RIMS2: variants seen among roughly 807,000 people sequenced by gnomAD.
RIMS2 encodes the protein regulating synaptic membrane exocytosis protein 2.
RIMS2 carries 59 observed loss-of-function variants against 174.4 expected under a neutral mutation model. The ratio of observed to expected loss-of-function variants is 0.34; its 90% CI spans 0.27 to 0.42. RIMS2 has a LOEUF of 0.42. Ranked by LOEUF, RIMS2 falls within the 10% of genes least tolerant of loss-of-function variation. The pLI, the probability that RIMS2 is intolerant of heterozygous loss-of-function variation, is 1.00. For missense variants in RIMS2, 1,620 were observed against 1,666.3 expected, an observed-to-expected ratio of 0.97 and a Z score of 0.48; for synonymous variants, 606 against 572.5, an observed-to-expected ratio of 1.06 and a Z score of -0.84.
Position 104,101,269 on chromosome 8 carries a change from G to A in RIMS2, c.3334+86654G>A, listed in dbSNP as rs868463017. Among the ~76,000 whole-genome samples the A allele has an allele frequency of 6.6e-5, 10 of 151,630 alleles. No homozygotes were observed. In the Middle Eastern group the frequency reaches 0.01, roughly 156 times the overall value. On this transcript the variant is annotated intron_variant, in intron 19 of 23. Coordinates refer to ENST00000504942, the Ensembl canonical transcript of RIMS2. ...AGCCTCCCAAGTAGCTGAGATTACA[G>A]GCATGTGCCACCATGCCCAGCCAAT...
intron 1 of RIMS2, among the ~76,000 whole-genome samples, chr8:103,643,693 T>A (rs1332521448): frequency 1.3e-5 from 2 of 152,072 alleles, no homozygotes; most frequent in East Asian, 3.8e-4. Context: ...AGGATTGCAG[T>A]TGTTTTAGTT....
intron 1 of RIMS2, among the ~76,000 whole-genome samples, chr8:103,530,804 A>G (rs923108239): frequency 7.2e-5 from 11 of 151,958 alleles, no homozygotes; most frequent in Non-Finnish European, 2.9e-5. Context: ...AAAACAGACA[A>G]GACAGATCTA....
chr8:104,158,661 T>C (rs2098740925), intron 19 of RIMS2, among the ~76,000 whole-genome samples: 1 of 152,226 alleles, frequency 6.6e-6, no homozygotes. Context: ...ATGATGAGCA[T>C]TTTTTCATGT....
chr8:104,013,895 G>A (rs993044534), intron 18 of RIMS2, among the ~76,000 whole-genome samples: 1 of 152,098 alleles, frequency 6.6e-6, no homozygotes, highest in Non-Finnish European at 1.5e-5. Context: ...TAACTGTCAT[G>A]TTCCTCTCCT....
intron 6 of RIMS2, among the ~76,000 whole-genome samples, chr8:103,912,446 C>T (rs1595013763): frequency 6.6e-6 from 1 of 151,822 alleles, no homozygotes; most frequent in African/African-American, 2.4e-5. Context: ...ATACAGTGGT[C>T]GAATGTATTT....
intron 3 of RIMS2, among the ~76,000 whole-genome samples, chr8:103,863,130 G>A (rs1022611686): frequency 2.0e-5 from 3 of 151,996 alleles, no homozygotes; most frequent in African/African-American, 7.2e-5. Context: ...TTATTTTGAG[G>A]TATGTTTCTT....
chr8:103,702,515 T>C (rs2097177941), intron 2 of RIMS2, among the ~76,000 whole-genome samples: 1 of 151,932 alleles, frequency 6.6e-6, no homozygotes, highest in African/African-American at 2.4e-5. Context: ...CTAGACCATG[T>C]TTACTTCTTT....
chr8:103,906,227 T>TTTTTGTTTTG (rs1182139546), intron 4 of RIMS2, among the ~76,000 whole-genome samples: 1 of 152,070 alleles, frequency 6.6e-6, no homozygotes, highest in Non-Finnish European at 1.5e-5. Context: ...ACATGACAGT[T>TTTTTGTTTTG]TTTTGTTTTG....
At chr8:103,886,356 C>A (rs1182364458) in intron 4 of RIMS2, 133 bp downstream of exon 7, 3 of 702,950 alleles carry the variant, frequency 4.3e-6, no homozygotes, top group Non-Finnish European at 6.8e-6. Context: ...TGGCATCGAA[C>A]GTGTGAAGAA....
At chr8:103,739,415 A>G (rs1445088221) in intron 2 of RIMS2, among the ~76,000 whole-genome samples, 2 of 152,222 alleles carry the variant, frequency 1.3e-5, no homozygotes, top group East Asian at 1.9e-4. Flanking sequence ...GCATTAGGAG[A>G]TATACCTAAT....
In RIMS2 at chr8:104,247,341, G is replaced by T. The variant is rs2099340469; in HGVS notation, c.3477-1360G>T. On this transcript the variant is annotated intron_variant, in intron 20 of 23. Coordinates refer to ENST00000504942, the Ensembl canonical transcript of RIMS2. ...AGTTCTCCTGAGGCTCTTCTCCTTG[G>T]CTTGCAGATGGCCACCTTCTTGTGA... Among the ~76,000 whole-genome samples the T allele has an allele frequency of 1.3e-5, 2 of 152,086 alleles. 1 individual carries two copies. Among genetic ancestry groups the T allele is most frequent in the South Asian group, 4.1e-4 (2 of 4,822 alleles).
intron 19 of RIMS2, among the ~76,000 whole-genome samples, chr8:104,242,887 T>C (rs972484431): frequency 6.6e-6 from 1 of 151,978 alleles, no homozygotes; most frequent in Non-Finnish European, 1.5e-5. Flanking sequence ...TTAAAGTACT[T>C]TTTTTTTCCT....
intron 19 of RIMS2, among the ~76,000 whole-genome samples, chr8:104,151,701 T>C (rs903628851): frequency 6.6e-6 from 1 of 152,198 alleles, no homozygotes; most frequent in Non-Finnish European, 1.5e-5. Flanking sequence ...AACATTTAAA[T>C]AAACACTTTT....
intron 3 of RIMS2, among the ~76,000 whole-genome samples, chr8:103,856,742 T>C (rs2099029622): frequency 6.6e-6 from 1 of 152,210 alleles, no homozygotes; most frequent in South Asian, 2.1e-4. Context: ...TTTTAATTTA[T>C]AGTTTGTTTG....
chr8:104,204,093 C>A (rs2511549), intron 19 of RIMS2, among the ~76,000 whole-genome samples: 87,583 of 151,982 alleles, frequency 0.58, 25,349 homozygotes, highest in East Asian at 0.65. Flanking sequence ...AGATAAAACA[C>A]AGCAAAATAA....
At chr8:103,633,500 T>A (rs1218383249) in intron 1 of RIMS2, among the ~76,000 whole-genome samples, 23 of 152,276 alleles carry the variant, frequency 1.5e-4, no homozygotes, top group African/African-American at 5.1e-4. Flanking sequence ...GAAGTTTTCT[T>A]TTTCTCTTGT....
chr8:104,169,225 G>A (rs2098816179), intron 19 of RIMS2, among the ~76,000 whole-genome samples: 1 of 149,974 alleles, frequency 6.7e-6, no homozygotes, highest in African/African-American at 2.5e-5. Flanking sequence ...GTTTCAGCAG[G>A]ATTGGTACCA....
chr8:104,115,614 A>G (rs907664461), intron 19 of RIMS2, among the ~76,000 whole-genome samples: 3 of 152,134 alleles, frequency 2.0e-5, no homozygotes, highest in Non-Finnish European at 4.4e-5. Context: ...TTTTCTCCAG[A>G]CCATATTACA....
intron 1 of RIMS2, among the ~76,000 whole-genome samples, chr8:103,524,256 T>C (rs4520130): frequency 1.3e-5 from 2 of 151,328 alleles, no homozygotes; most frequent in East Asian, 1.9e-4. Context: ...GTATAGAGAA[T>C]TGGAATGGAT....
Sources: gnomAD v4.1 joint callset for allele counts (sites outside exome capture counted in the v4.1 genomes callset) on GRCh38, gnomAD v4.1.1 for gene constraint, MANE v1.5 for transcripts, NCBI Gene and HGNC (gene_info 2026-07-23, HGNC 2026-07-21) for gene names.